The following MGAT5B variants were observed in gnomAD, a reference collection of about 807,000 sequenced individuals.
MGAT5B encodes the protein N-acetylglucosaminyl-transferase Vb.
MGAT5B carries 54 observed loss-of-function variants against 95.1 expected under a neutral mutation model. That is an observed-to-expected ratio of 0.57 (90% CI 0.46 to 0.71). The LOEUF (loss-of-function observed/expected upper bound fraction) is 0.71. MGAT5B is among the 30% of genes least tolerant of loss of function. MGAT5B has a pLI of 0.00. For synonymous variants in MGAT5B, 464 were observed against 451.0 expected, an observed-to-expected ratio of 1.03 and a Z score of -0.36; for missense variants, 935 against 1,088.6, an observed-to-expected ratio of 0.86 and a Z score of 1.99.
rs981591303 is a variant in MGAT5B, at chr17:76,870,511, G to T, written c.68+1414G>T. Among the ~76,000 whole-genome samples, 4 of 152,196 alleles carry T rather than the reference G, an allele frequency of 2.6e-5. No individual in the cohort carries two copies. The highest frequency in any genetic ancestry group is 6.5e-5 in the Admixed American group (1 of 15,290). ...CCATCCCTGTCCCGCCCTCCGGGCC[G>T]CTGGGTGTTTCCTGGCGCGATTGGA... On this transcript the variant is annotated intron_variant, in intron 1 of 17. Coordinates refer to ENST00000569840, the MANE Select transcript of MGAT5B (RefSeq NM_001199172.2). This position sits in a 1 kb window ranked among gnomAD's most constrained non-coding sequence, Gnocchi z 5.0.
intron 3 of MGAT5B, among the ~76,000 whole-genome samples, chr17:76,894,781 A>G (rs1208351933): frequency 6.6e-6 from 1 of 151,104 alleles, no homozygotes; most frequent in Non-Finnish European, 1.5e-5. Flanking sequence ...TGAACCCAGG[A>G]GGTGGAGATT....
At chr17:76,910,465 TCACC>T (rs1265966644) in intron 8 of MGAT5B, among the ~76,000 whole-genome samples, 5 of 152,208 alleles carry the variant, frequency 3.3e-5, no homozygotes, top group African/African-American at 1.2e-4. Flanking sequence ...ACATGCATAC[TCACC>T]CACTCACATG....
At chr17:76,921,450 C>T (rs35081374) in intron 8 of MGAT5B, among the ~76,000 whole-genome samples, 1 of 151,402 alleles carries the variant, frequency 6.6e-6, no homozygotes, top group Non-Finnish European at 1.5e-5. Flanking sequence ...CAGCAGGGGG[C>T]CCCTTTTCCT....
intron 9 of MGAT5B, among the ~76,000 whole-genome samples, chr17:76,926,184 C>G (rs1402945973): frequency 1.3e-5 from 2 of 152,140 alleles, no homozygotes; most frequent in Admixed American, 1.3e-4. Context: ...CCAGGGGTGT[C>G]AGGCTCCTGA....
chr17:76,943,660 C>T (rs755469477), intron 15 of MGAT5B, among the ~76,000 whole-genome samples: 29 of 151,616 alleles, frequency 1.9e-4, no homozygotes, highest in Non-Finnish European at 2.6e-4. Flanking sequence ...AGGCCAGTCT[C>T]GAACTCCTGG....
Position 76,868,961 on chromosome 17 carries a change from G to A in MGAT5B, c.-69G>A, listed in dbSNP as rs1247776662. On this transcript the variant is annotated 5_prime_UTR_variant, in exon 1 of 18. Coordinates refer to ENST00000569840, the MANE Select transcript of MGAT5B (RefSeq NM_001199172.2). This position sits in a 1 kb window ranked among gnomAD's most constrained non-coding sequence, Gnocchi z 6.3. Reference sequence around the variant, plus strand: ...CGCAGAGGGTTCGTGGCCCGGACGCGGCGAGAGCTGGGCCCAGGACGGTGC... The same window carrying A: ...CGCAGAGGGTTCGTGGCCCGGACGCAGCGAGAGCTGGGCCCAGGACGGTGC... The A allele has an allele frequency of 2.7e-5, 41 of 1,503,520 alleles. No individual in the cohort carries two copies. Among genetic ancestry groups the A allele is most frequent in the Middle Eastern group, 1.8e-4 (1 of 5,638 alleles). 93.1% of individuals were successfully genotyped at this position (1,503,520 alleles called of 1,614,324 possible). A position where few individuals can be genotyped will look rare whatever the true frequency, so the allele number is the denominator to read the frequency against.
At chr17:76,893,674 T>C (rs1967964349) in intron 3 of MGAT5B, among the ~76,000 whole-genome samples, 1 of 152,168 alleles carries the variant, frequency 6.6e-6, no homozygotes, top group South Asian at 2.1e-4. Flanking sequence ...ACCCTGGTAA[T>C]GGATTCTTCA....
intron 15 of MGAT5B, chr17:76,944,249 C>CGTTGTCGTTGTT (rs10681283): frequency 1.3e-5 from 2 of 151,690 alleles, no homozygotes; most frequent in African/African-American, 4.8e-5. Context: ...GGAACGTCGT[C>CGTTGTCGTTGTT]GTCGTCGTTG....
chr17:76,933,341 C>T, intron 12 of MGAT5B, 44 bp downstream of exon 12: 2 of 1,597,330 alleles, frequency 1.3e-6, no homozygotes, highest in Non-Finnish European at 1.7e-6. Context: ...CCTCTGCTCC[C>T]TTCCCCTCTC....
At chr17:76,942,770 C>T (rs1304927902) in intron 15 of MGAT5B, among the ~76,000 whole-genome samples, 2 of 152,154 alleles carry the variant, frequency 1.3e-5, no homozygotes, top group Non-Finnish European at 2.9e-5. Context: ...GGCAACAAGG[C>T]GTACAGGTAG....
intron 3 of MGAT5B, among the ~76,000 whole-genome samples, chr17:76,884,914 T>G (rs1665880474): frequency 6.6e-6 from 1 of 152,114 alleles, no homozygotes; most frequent in Non-Finnish European, 1.5e-5. Context: ...AGTTTTGTAT[T>G]TTTAGTAGAG....
At chr17:76,928,930 A>C (rs1473319324) in intron 10 of MGAT5B, among the ~76,000 whole-genome samples, 8 of 150,556 alleles carry the variant, frequency 5.3e-5, no homozygotes, top group African/African-American at 2.0e-4. Flanking sequence ...CAGTGGCGCG[A>C]CCTCGGCTCC....
chr17:76,882,099 G>T, intron 2 of MGAT5B, 52 bp from the exon 3 acceptor site: 1 of 1,542,302 alleles, frequency 6.5e-7, no homozygotes, highest in Non-Finnish European at 8.8e-7. Context: ...GACACCAGGT[G>T]GCCTCCAGGC....
In MGAT5B at chr17:76,937,970, C is replaced by A. The variant is rs767910052; in HGVS notation, c.1429-18C>A. ...GTGGTTTGCATGTGGTTCCCATCTC[C>A]TCCTCTTCTTTTTCCAGGGGAAGGA... On this transcript the variant is annotated intron_variant, in intron 12 of 17. Transcript: ENST00000569840. 1 of 1,611,512 alleles carries A rather than the reference C, an allele frequency of 6.2e-7. No homozygotes were observed.
intron 3 of MGAT5B, among the ~76,000 whole-genome samples, chr17:76,883,421 G>A (rs902963903): frequency 4.6e-5 from 7 of 152,186 alleles, no homozygotes; most frequent in South Asian, 2.1e-4. Flanking sequence ...ATATTCTCCT[G>A]CTTCGGCCAG....
Position 76,915,955 on chromosome 17 carries a change from T to G in MGAT5B, c.1026-9011T>G, listed in dbSNP as rs549040696. ...GAACCCTTCCCCAGGAAATTCAGAC[T>G]TGGGTAGGCAGAAGACCTACCTAGA... On this transcript the variant is annotated intron_variant, in intron 8 of 17. Coordinates refer to ENST00000569840, the MANE Select transcript of MGAT5B (RefSeq NM_001199172.2). This position sits in a 1 kb window ranked among gnomAD's most constrained non-coding sequence, Gnocchi z 8.7. 1.9e-3 allele frequency among the ~76,000 whole-genome samples: 294 copies of G among 152,296 alleles called. 1 individual carries two copies. The highest frequency in any genetic ancestry group is 3.7e-3 in the Admixed American group (56 of 15,304).
chr17:76,936,136 G>A lies in MGAT5B; in HGVS notation c.1429-1852G>A, dbSNP rs556200253. 2.4e-3 allele frequency among the ~76,000 whole-genome samples: 371 copies of A among 151,814 alleles called. 3 individuals carry two copies. Among genetic ancestry groups the A allele is most frequent in the African/African-American group, 8.1e-3 (337 of 41,372 alleles). On this transcript the variant is annotated intron_variant, in intron 12 of 17. Coordinates refer to ENST00000569840, the MANE Select transcript of MGAT5B (RefSeq NM_001199172.2). ...TTAACAGTGTCTTTCAGCCGGGAAC[G>A]GTGGCTCACGCCTGTAATCTCAGAA...
chr17:76,880,818 C>T (rs1435806936), intron 2 of MGAT5B, among the ~76,000 whole-genome samples: 1 of 152,192 alleles, frequency 6.6e-6, no homozygotes, highest in African/African-American at 2.4e-5. Flanking sequence ...GGCAGTGCAG[C>T]TTTCCACAGC....
At chr17:76,937,844 C>T (rs1379479401) in intron 12 of MGAT5B, 144 bp from the exon 13 acceptor site, 2 of 905,294 alleles carry the variant, frequency 2.2e-6, no homozygotes, top group African/African-American at 3.3e-5. Context: ...GGGGCGGGGC[C>T]TTTCCCAGTG....
Sources: allele counts gnomAD v4.1 joint callset (sites outside exome capture counted in the v4.1 genomes callset), GRCh38; gene constraint gnomAD v4.1.1; non-coding constraint Gnocchi (gnomAD v3.1); transcripts MANE v1.5; gene names NCBI Gene and HGNC (gene_info 2026-07-23, HGNC 2026-07-21).